B3GALT1: variants seen among roughly 807,000 people sequenced by gnomAD.
B3GALT1 encodes beta-1,3-galactosyltransferase 1, also known as UDP-Gal:betaGlcNAc beta 1,3-galactosyltransferase, polypeptide 1.
In B3GALT1, 10 loss-of-function variants were observed where a neutral mutation model predicts 23.2. The ratio of observed to expected loss-of-function variants is 0.43; its 90% CI spans 0.27 to 0.73. B3GALT1 has a LOEUF of 0.73. Ranked by LOEUF, B3GALT1 falls within the 30% of genes least tolerant of loss-of-function variation. The pLI is 0.21. For synonymous variants in B3GALT1, 156 were observed against 141.5 expected (o/e 1.10, Z -0.73); for missense variants, 299 against 405.4 (o/e 0.74, Z 2.25).
chr2:167,488,603 G>A (rs1699659253), intron 1 of B3GALT1, among the ~76,000 whole-genome samples: 1 of 152,154 alleles, frequency 6.6e-6, no homozygotes, highest in Non-Finnish European at 1.5e-5. Flanking sequence ...TTTAATGTAA[G>A]TACAAGTTGA....
intron 2 of B3GALT1, among the ~76,000 whole-genome samples, chr2:167,572,925 A>G (rs1207495674): frequency 6.6e-6 from 1 of 151,734 alleles, no homozygotes; most frequent in Non-Finnish European, 1.5e-5. Flanking sequence ...ATAATGAGAG[A>G]AAGTAAATTA....
intron 2 of B3GALT1, among the ~76,000 whole-genome samples, chr2:167,556,746 G>A (rs1460805378): frequency 6.6e-6 from 1 of 152,120 alleles, no homozygotes; most frequent in Admixed American, 6.5e-5. Flanking sequence ...TTCGTTCACT[G>A]CAACTTCATA....
intron 2 of B3GALT1, among the ~76,000 whole-genome samples, chr2:167,540,271 C>G (rs1468845554): frequency 1.3e-5 from 2 of 152,152 alleles, no homozygotes; most frequent in Non-Finnish European, 2.9e-5. Flanking sequence ...TGTTCCTACT[C>G]CAAACTATAG....
intron 1 of B3GALT1, among the ~76,000 whole-genome samples, chr2:167,468,444 G>T (rs909446740): frequency 1.3e-5 from 2 of 152,010 alleles, no homozygotes; most frequent in Non-Finnish European, 2.9e-5. Context: ...AATAAAAGAA[G>T]AAATGAATGT....
Position 167,802,697 on chromosome 2 carries a change from T to G in B3GALT1, c.-351-15975T>G, listed in dbSNP as rs1574269705. Among the ~76,000 whole-genome samples the G allele has an allele frequency of 2.0e-5, 3 of 152,342 alleles. No individual in the cohort carries two copies. The East Asian group carries it at 5.8e-4, about 29-fold the overall frequency. On this transcript the variant is annotated intron_variant, in intron 3 of 4. Transcript: ENST00000392690. ...TATTATATCTCCATCGTATTACATG[T>G]CCCTATTAAGCCCTTGTTACAATTA...
chr2:167,431,858 T>C (rs2105307705), intron 1 of B3GALT1, among the ~76,000 whole-genome samples: 1 of 152,238 alleles, frequency 6.6e-6, no homozygotes, highest in East Asian at 1.9e-4. Context: ...AAGAAAAATA[T>C]CTAGAAAGTG....
chr2:167,769,593 T>C (rs1688037424), intron 3 of B3GALT1, among the ~76,000 whole-genome samples: 2 of 149,196 alleles, frequency 1.3e-5, no homozygotes, highest in Admixed American at 1.3e-4. Flanking sequence ...TCATTAACAC[T>C]GAGCAGAACT....
chr2:167,336,840 A>G (rs1319666732), intron 1 of B3GALT1, among the ~76,000 whole-genome samples: 1 of 152,128 alleles, frequency 6.6e-6, no homozygotes, highest in Non-Finnish European at 1.5e-5. Context: ...TCAAGGGCCC[A>G]TATCCTGAAA....
chr2:167,664,899 C>T lies in B3GALT1; in HGVS notation c.-352+17933C>T, dbSNP rs928617520. Among the ~76,000 whole-genome samples, 12 of 149,144 alleles carry T rather than the reference C, an allele frequency of 8.0e-5. No individual in the cohort carries two copies. In the East Asian group the frequency reaches 1.8e-3, roughly 22 times the overall value. On this transcript the variant is annotated intron_variant, in intron 3 of 4. Coordinates refer to ENST00000392690, the MANE Select transcript of B3GALT1 (RefSeq NM_020981.4). ...GGGTTTTCTAGATATACAATCATGT[C>T]GTCTGCAAACAGGGACAATTTGACT...
intron 2 of B3GALT1, among the ~76,000 whole-genome samples, chr2:167,518,673 G>A (rs557911645): frequency 2.6e-5 from 4 of 152,108 alleles, no homozygotes; most frequent in Admixed American, 1.3e-4. Context: ...ACCAAGTCTC[G>A]GGATGTGCAG....
intron 1 of B3GALT1, among the ~76,000 whole-genome samples, chr2:167,306,279 TAATAA>T (rs1272058736): frequency 6.6e-6 from 1 of 151,998 alleles, no homozygotes; most frequent in Non-Finnish European, 1.5e-5. Flanking sequence ...AAAATGATTA[TAATAA>T]AATATAAAAA....
At chr2:167,818,959 A>T (rs1475401422) in intron 4 of B3GALT1, among the ~76,000 whole-genome samples, 166 bp downstream of exon 4, 2 of 151,986 alleles carry the variant, frequency 1.3e-5, no homozygotes, top group Non-Finnish European at 2.9e-5. Flanking sequence ...CTGCTATAGT[A>T]TGCAAAATAT....
intron 2 of B3GALT1, among the ~76,000 whole-genome samples, chr2:167,499,480 G>A (rs1482412821): frequency 6.6e-6 from 1 of 152,054 alleles, no homozygotes; most frequent in Non-Finnish European, 1.5e-5. Flanking sequence ...CGAAATCTTT[G>A]TTAAAGAAAA....
At chr2:167,663,164 G>C (rs1458994282) in intron 3 of B3GALT1, among the ~76,000 whole-genome samples, 2 of 132,794 alleles carry the variant, frequency 1.5e-5, no homozygotes, top group East Asian at 4.5e-4. Flanking sequence ...CTGTGTCCAT[G>C]TGTTCTCATT....
intron 2 of B3GALT1, among the ~76,000 whole-genome samples, chr2:167,633,472 T>G (rs997519567): frequency 1.4e-4 from 21 of 151,282 alleles, no homozygotes; most frequent in African/African-American, 5.1e-4. Context: ...GGAGGAATAT[T>G]TACCAAGCAA....
At chr2:167,359,339 A>C (rs1358819832) in intron 1 of B3GALT1, among the ~76,000 whole-genome samples, 1 of 152,208 alleles carries the variant, frequency 6.6e-6, no homozygotes, top group African/African-American at 2.4e-5. Context: ...CCCTAAATAC[A>C]AAATAATAGC....
intron 3 of B3GALT1, among the ~76,000 whole-genome samples, chr2:167,745,854 G>C (rs1687644094): frequency 6.6e-6 from 1 of 151,918 alleles, no homozygotes; most frequent in African/African-American, 2.4e-5. Flanking sequence ...ATTAATTATT[G>C]AACTTAAATA....
chr2:167,451,928 C>A (rs567068368), intron 1 of B3GALT1, among the ~76,000 whole-genome samples: 1 of 152,218 alleles, frequency 6.6e-6, no homozygotes, highest in South Asian at 2.1e-4. Context: ...GGGATTATTG[C>A]TGCCTTTGCT....
At chr2:167,502,734 A>G (rs952205084) in intron 2 of B3GALT1, among the ~76,000 whole-genome samples, 14 of 152,172 alleles carry the variant, frequency 9.2e-5, no homozygotes, top group Non-Finnish European at 1.8e-4. Flanking sequence ...CTCTTTCAAC[A>G]TTGGGGATTA....
Sources: allele counts gnomAD v4.1 joint callset (sites outside exome capture counted in the v4.1 genomes callset), GRCh38; gene constraint gnomAD v4.1.1; transcripts MANE v1.5; gene names NCBI Gene and HGNC (gene_info 2026-07-23, HGNC 2026-07-21).